The following ZNF423 variants were observed in gnomAD, a reference collection of about 807,000 sequenced individuals.
The protein encoded by ZNF423 is Ebf-associated zinc finger protein.
In ZNF423, 12 loss-of-function variants were observed where a neutral mutation model predicts 95.8. The ratio of observed to expected loss-of-function variants is 0.13; its 90% confidence interval spans 0.08 to 0.20. ZNF423 has a LOEUF of 0.20. Among genes scored for constraint, ZNF423 ranks in the 10% least tolerant of loss-of-function variants. The pLI is 1.00. For missense variants in ZNF423, 1,316 were observed against 1,737.1 expected, an observed-to-expected ratio of 0.76 and a Z score of 4.31; for synonymous variants, 749 against 711.9, an observed-to-expected ratio of 1.05 and a Z score of -0.83.
intron 7 of ZNF423, among the ~76,000 whole-genome samples, chr16:49,495,114 C>A (rs1967108959): frequency 6.6e-6 from 1 of 152,224 alleles, no homozygotes; most frequent in South Asian, 2.1e-4. Flanking sequence ...ATCCACTCGG[C>A]CTCGCTGCCT....
At chr16:49,740,309 T>G (rs1285980796) in intron 2 of ZNF423, among the ~76,000 whole-genome samples, 2 of 152,206 alleles carry the variant, frequency 1.3e-5, no homozygotes, top group African/African-American at 4.8e-5. Flanking sequence ...AGTGTTCGTT[T>G]GGGTCCTGCT....
intron 2 of ZNF423, among the ~76,000 whole-genome samples, chr16:49,758,386 C>A (rs1224879249): frequency 1.3e-5 from 2 of 152,094 alleles, no homozygotes; most frequent in African/African-American, 2.4e-5. Flanking sequence ...TGATCCACCC[C>A]CCTCAGCCTC....
intron 5 of ZNF423, among the ~76,000 whole-genome samples, chr16:49,551,107 G>A (rs1307621526): frequency 6.6e-6 from 1 of 152,190 alleles, no homozygotes; most frequent in Non-Finnish European, 1.5e-5. Context: ...TTCCAGGTGG[G>A]CCCCCCACGG....
At chr16:49,848,292 T>G (rs2035266533) in intron 1 of ZNF423, among the ~76,000 whole-genome samples, 1 of 152,134 alleles carries the variant, frequency 6.6e-6, no homozygotes, top group Admixed American at 6.5e-5. Context: ...GTGACGGTGA[T>G]AGGCATGACA....
chr16:49,511,171 C>T (rs562025587), intron 7 of ZNF423, among the ~76,000 whole-genome samples: 1 of 152,366 alleles, frequency 6.6e-6, no homozygotes, highest in African/African-American at 2.4e-5. Flanking sequence ...CCGGTGCCCG[C>T]TCCTCACTGC....
intron 2 of ZNF423, among the ~76,000 whole-genome samples, chr16:49,747,755 C>A (rs546314413): frequency 1.3e-5 from 2 of 152,156 alleles, no homozygotes; most frequent in South Asian, 4.2e-4. Flanking sequence ...CAGGGAAGCA[C>A]AGAATTTTAG....
chr16:49,692,852 C>T (rs147109681), intron 3 of ZNF423, among the ~76,000 whole-genome samples: 71 of 152,362 alleles, frequency 4.7e-4, no homozygotes, highest in African/African-American at 1.6e-3. Context: ...AGCAAAGATA[C>T]CTCTTACATC....
intron 1 of ZNF423, among the ~76,000 whole-genome samples, chr16:49,792,844 C>G (rs780180821): frequency 1.3e-5 from 2 of 152,210 alleles, no homozygotes; most frequent in Non-Finnish European, 2.9e-5. Flanking sequence ...ACTTCTCAGT[C>G]TTGACTTCCT....
At chr16:49,776,554 G>A (rs1320493330) in intron 2 of ZNF423, among the ~76,000 whole-genome samples, 1 of 152,232 alleles carries the variant, frequency 6.6e-6, no homozygotes, top group African/African-American at 2.4e-5. Context: ...CAGCTGTCCA[G>A]CCTCCCCCAG....
intron 7 of ZNF423, among the ~76,000 whole-genome samples, chr16:49,516,136 A>G (rs1472343403): frequency 6.6e-6 from 1 of 152,184 alleles, no homozygotes; most frequent in East Asian, 1.9e-4. Context: ...GGGGGACCCG[A>G]AGCCCCGGCC....
chr16:49,671,893 C>G (rs1311984869), intron 3 of ZNF423, among the ~76,000 whole-genome samples: 1 of 152,054 alleles, frequency 6.6e-6, no homozygotes, highest in African/African-American at 2.4e-5. Context: ...CCATGTTGCC[C>G]AGGCTGGTCT....
At chr16:49,850,501 T>C (rs1289992280) in intron 1 of ZNF423, among the ~76,000 whole-genome samples, 3 of 152,228 alleles carry the variant, frequency 2.0e-5, no homozygotes, top group Non-Finnish European at 2.9e-5. Context: ...GACTCACAGA[T>C]ACGAAGGAAC....
intron 1 of ZNF423, chr16:49,854,675 A>AGGCCTGCT (rs2035338900): frequency 1.0e-6 from 1 of 985,298 alleles, no homozygotes; most frequent in Non-Finnish European, 1.2e-6. Flanking sequence ...GCAGCAGGCA[A>AGGCCTGCT]GGCCTGGAAA....
chr16:49,853,376 T>C (rs1044286431), intron 1 of ZNF423, among the ~76,000 whole-genome samples: 2 of 152,090 alleles, frequency 1.3e-5, no homozygotes, highest in African/African-American at 4.8e-5. Flanking sequence ...TTATCTTCTC[T>C]CTTAATTCCT....
At chr16:49,774,209 T>G (rs1367417218) in intron 2 of ZNF423, among the ~76,000 whole-genome samples, 2 of 152,212 alleles carry the variant, frequency 1.3e-5, no homozygotes, top group African/African-American at 4.8e-5. Flanking sequence ...CTTTGCTTCC[T>G]CTTTCCACGT....
At chr16:49,518,951 C>T (rs749705085) in intron 7 of ZNF423, among the ~76,000 whole-genome samples, 18 of 152,140 alleles carry the variant, frequency 1.2e-4, no homozygotes, top group Non-Finnish European at 2.5e-4. Context: ...ATAGTCCCAG[C>T]CACTCAGGAA....
chr16:49,722,825 T>C (rs2032904522), intron 3 of ZNF423, among the ~76,000 whole-genome samples: 1 of 152,314 alleles, frequency 6.6e-6, no homozygotes, highest in South Asian at 2.1e-4. Flanking sequence ...AGCCTGGACA[T>C]CATGGAACAC....
intron 5 of ZNF423, among the ~76,000 whole-genome samples, chr16:49,596,763 A>T (rs989277798): frequency 6.6e-6 from 1 of 152,156 alleles, no homozygotes; most frequent in Non-Finnish European, 1.5e-5. Flanking sequence ...TCACAGCATC[A>T]GCCCGGGAAG....
intron 3 of ZNF423, among the ~76,000 whole-genome samples, chr16:49,670,180 T>C (rs1272194176): frequency 1.3e-5 from 2 of 152,030 alleles, no homozygotes; most frequent in Non-Finnish European, 2.9e-5. Flanking sequence ...TTTGGTGACA[T>C]TGGAAGGGGA....
Sources: allele counts gnomAD v4.1 joint callset (sites outside exome capture counted in the v4.1 genomes callset), GRCh38; gene constraint gnomAD v4.1.1; transcripts MANE v1.5; gene names NCBI Gene and HGNC (gene_info 2026-07-23, HGNC 2026-07-21).